The following ZFR variants were observed in gnomAD, a reference collection of about 807,000 sequenced individuals.
ZFR encodes zinc finger RNA binding protein.
ZFR carries 19 observed loss-of-function variants against 130.7 expected under a neutral mutation model. That is an observed-to-expected ratio of 0.15 (90% confidence interval 0.10 to 0.21). ZFR has a LOEUF of 0.21. ZFR is among the 10% of genes least tolerant of loss of function. The probability of loss-of-function intolerance (pLI) is 1.00; values close to 1 mark genes in which losing one functional copy is unlikely to be tolerated. For synonymous variants in ZFR, 466 were observed against 456.9 expected (o/e 1.02, Z -0.25); for missense variants, 872 against 1,321.5 (o/e 0.66, Z 5.27).
At chr5:32,407,946 C>T (rs1056377378) in intron 5 of ZFR, among the ~76,000 whole-genome samples, 1 of 152,068 alleles carries the variant, frequency 6.6e-6, no homozygotes, top group South Asian at 2.1e-4. Context: ...TCCTACAATG[C>T]TTTTTATAAG....
chr5:32,419,665 CCCA>C (rs1383937617), intron 3 of ZFR, among the ~76,000 whole-genome samples, 153 bp downstream of exon 3: 1 of 152,136 alleles, frequency 6.6e-6, no homozygotes, highest in Non-Finnish European at 1.5e-5. Flanking sequence ...GTTGGTATGT[CCCA>C]AACTACCAAG....
intron 6 of ZFR, among the ~76,000 whole-genome samples, chr5:32,405,902 C>G (rs538809078): frequency 1.9e-4 from 29 of 152,162 alleles, no homozygotes; most frequent in African/African-American, 6.3e-4. Context: ...GAAAATACCC[C>G]CCAAAATTCA....
chr5:32,391,784 C>A (rs915142744), intron 11 of ZFR, among the ~76,000 whole-genome samples: 7 of 151,870 alleles, frequency 4.6e-5, no homozygotes, highest in Non-Finnish European at 8.8e-5. Context: ...CTTAAATTGG[C>A]AGAGTCCCAC....
intron 13 of ZFR, 104 bp downstream of exon 13, chr5:32,388,365 T>C (rs889318): frequency 0.6 from 651,158 of 1,087,008 alleles, 196,806 homozygotes; most frequent in African/African-American, 0.72. Context: ...TTAAAACACA[T>C]AGAACTCACA....
At chr5:32,385,462 G>T in intron 15 of ZFR, 46 bp downstream of exon 15, 1 of 1,584,688 alleles carries the variant, frequency 6.3e-7, no homozygotes, top group Non-Finnish European at 8.6e-7. Flanking sequence ...GTAGATAAAT[G>T]AAAAAAAAAG....
intron 6 of ZFR, among the ~76,000 whole-genome samples, chr5:32,405,198 T>TTAAA (rs778088498): frequency 3.5e-4 from 54 of 152,166 alleles, no homozygotes; most frequent in Non-Finnish European, 6.8e-4. Flanking sequence ...TGAGCCTCAA[T>TTAAA]TATTTAGGGC....
intron 4 of ZFR, 86 bp downstream of exon 4, chr5:32,417,562 G>T: frequency 1.3e-6 from 2 of 1,536,256 alleles, no homozygotes; most frequent in Non-Finnish European, 1.8e-6. Flanking sequence ...GAGTTTAGAT[G>T]GACTCAAAAG....
intron 14 of ZFR, among the ~76,000 whole-genome samples, chr5:32,387,135 A>G (rs1753060792): frequency 6.6e-6 from 1 of 152,154 alleles, no homozygotes; most frequent in Admixed American, 6.6e-5. Flanking sequence ...TATTTTAGTT[A>G]CTACATTTTA....
At chr5:32,444,570 CG>C in intron 1 of ZFR, 51 bp downstream of exon 1, 1 of 1,445,416 alleles carries the variant, frequency 6.9e-7, no homozygotes, top group South Asian at 1.4e-5. Flanking sequence ...CCCCGCTGCC[CG>C]GGGCCAGGGA....
At chr5:32,387,815 C>A (rs765779209) in intron 13 of ZFR, 116 bp from the exon 14 acceptor site, 4 of 1,013,534 alleles carry the variant, frequency 3.9e-6, no homozygotes, top group Non-Finnish European at 5.4e-6. Context: ...TTCCATCAAC[C>A]GCAGTAGAAA....
At chr5:32,370,237 T>C (rs1232211464) in intron 17 of ZFR, among the ~76,000 whole-genome samples, 1 of 150,944 alleles carries the variant, frequency 6.6e-6, no homozygotes, top group Non-Finnish European at 1.5e-5. Flanking sequence ...CAATAACAGA[T>C]TTTTTTGCTG....
At chr5:32,438,074 C>T (rs1471333763) in intron 2 of ZFR, among the ~76,000 whole-genome samples, 1 of 151,922 alleles carries the variant, frequency 6.6e-6, no homozygotes, top group Admixed American at 6.6e-5. Context: ...CCATCTTTGT[C>T]ATCTTTTATG....
At chr5:32,367,150 C>T (rs1752564817) in intron 17 of ZFR, among the ~76,000 whole-genome samples, 1 of 151,986 alleles carries the variant, frequency 6.6e-6, no homozygotes, top group South Asian at 2.1e-4. Context: ...CTGACTGTAG[C>T]AGGCTGGGTG....
At position 32,438,321 on chromosome 5, in the gene ZFR, T is replaced by C. The variant is rs571258635; in HGVS notation, c.137+5908A>G. 4.3e-4 allele frequency among the ~76,000 whole-genome samples: 59 copies of C among 137,856 alleles called. 1 individual carries two copies. The highest frequency in any genetic ancestry group is 1.5e-3 in the African/African-American group (57 of 36,832). 90.4% of individuals were successfully genotyped at this position (137,856 alleles called of 152,430 possible). ...TCTTGTCGCCCAGGCTGGAGTGCAA[T>C]GGCGCGATCTTGGCTCACCGCAACC... On this transcript the variant is annotated intron_variant, in intron 2 of 19. Transcript: ENST00000265069.
chr5:32,396,186 C>T (rs1321073461), intron 10 of ZFR, among the ~76,000 whole-genome samples: 1 of 150,962 alleles, frequency 6.6e-6, no homozygotes, highest in African/African-American at 2.4e-5. Context: ...GTACTCCAGC[C>T]TGGGCAACAG....
chr5:32,443,644 G>T (rs925933185), intron 2 of ZFR, among the ~76,000 whole-genome samples: 2 of 152,278 alleles, frequency 1.3e-5, no homozygotes, highest in African/African-American at 4.8e-5. Context: ...TTGTCAGCAG[G>T]ACTCGCTAGC....
intron 2 of ZFR, among the ~76,000 whole-genome samples, chr5:32,434,387 A>G (rs1443106652): frequency 6.6e-6 from 1 of 152,166 alleles, no homozygotes; most frequent in Non-Finnish European, 1.5e-5. Context: ...ATTGGGAAAC[A>G]TTTTCCTGTG....
chr5:32,420,532 A>G (rs2111825122), intron 2 of ZFR, among the ~76,000 whole-genome samples: 1 of 152,354 alleles, frequency 6.6e-6, no homozygotes, highest in African/African-American at 2.4e-5. Context: ...AAAATATTCT[A>G]TTCTAGCCCA....
intron 16 of ZFR, chr5:32,379,604 G>C (rs1208536065): frequency 4.3e-6 from 1 of 230,288 alleles, no homozygotes; most frequent in Non-Finnish European, 8.6e-6. Context: ...CTGTGCCTTT[G>C]CATGACTGCA....
Sources: gnomAD v4.1 joint callset for allele counts (sites outside exome capture counted in the v4.1 genomes callset) on GRCh38, gnomAD v4.1.1 for gene constraint, MANE v1.5 for transcripts, NCBI Gene and HGNC (gene_info 2026-07-23, HGNC 2026-07-21) for gene names.